Variants in MUC7 observed in about 807,000 individuals in gnomAD.
The protein encoded by MUC7 is mucin-7.
In MUC7, 2 loss-of-function variants were observed where a neutral mutation model predicts 2.5. That is an observed-to-expected ratio of 0.81 (90% confidence interval 0.33 to 2.55). The LOEUF (loss-of-function observed/expected upper bound fraction) is 2.55, where lower values mean the gene tolerates loss of function less well. Among genes scored for constraint, MUC7 ranks in the 30% most tolerant of loss-of-function variants. The pLI, the probability that MUC7 is intolerant of heterozygous loss-of-function variation, is 0.11. For missense variants in MUC7, 408 were observed against 455.6 expected (o/e 0.90, Z 0.95); for synonymous variants, 133 against 173.4 (o/e 0.77, Z 1.83).
intron 2 of MUC7, among the ~76,000 whole-genome samples, chr4:70,480,309 G>C (rs1735127901): frequency 6.6e-6 from 1 of 152,180 alleles, no homozygotes; most frequent in African/African-American, 2.4e-5. Flanking sequence ...GGGATATTTT[G>C]TTTGTTGGGG....
chr4:70,461,807 C>CAA (rs58140033), intron 1 of MUC7, among the ~76,000 whole-genome samples: 11,806 of 135,352 alleles, frequency 0.087, 547 homozygotes, highest in South Asian at 0.17. Context: ...ATCTTAAAAT[C>CAA]AAAAAAAAAA....
At chr4:70,436,307 T>C (rs114106991) in intron 1 of MUC7, among the ~76,000 whole-genome samples, 10,795 of 152,236 alleles carry the variant, frequency 0.071, 590 homozygotes, top group East Asian at 0.21. Flanking sequence ...TCTAATTTGG[T>C]TCCATTCTCA....
chr4:70,462,969 AAATGAATG>A lies in MUC7; in HGVS notation c.-92-9222_-92-9215del, dbSNP rs145384221. Reference sequence around the variant, plus strand: ...CAACAGAGCAACACTTTGTCTCTAAAAATGAATGAATGAATGAATGAATGAATGAATAA... The same window carrying A: ...CAACAGAGCAACACTTTGTCTCTAAAAATGAATGAATGAATGAATGAATAA... On this transcript the variant is annotated intron_variant, in intron 1 of 3. Coordinates refer to the MUC7 transcript ENST00000413702. 1.4e-3 allele frequency among the ~76,000 whole-genome samples: 213 copies of A among 151,816 alleles called. 2 individuals are homozygous for A. In the East Asian group the frequency reaches 0.02, roughly 15 times the overall value.
At chr4:70,480,043 T>C (rs1735120587) in intron 2 of MUC7, among the ~76,000 whole-genome samples, 1 of 152,204 alleles carries the variant, frequency 6.6e-6, no homozygotes, top group African/African-American at 2.4e-5. Context: ...AGATGTACAG[T>C]TGGACTGGAT....
intron 1 of MUC7, among the ~76,000 whole-genome samples, chr4:70,433,978 A>G (rs1733752171): frequency 6.6e-6 from 1 of 152,178 alleles, no homozygotes; most frequent in South Asian, 2.1e-4. Context: ...ATCTATTGAG[A>G]TAATCATGTG....
intron 1 of MUC7, among the ~76,000 whole-genome samples, chr4:70,451,115 A>C (rs1734269358): frequency 6.6e-6 from 1 of 152,172 alleles, no homozygotes; most frequent in Non-Finnish European, 1.5e-5. Flanking sequence ...GTAGGAACTC[A>C]AGTTCAGACC....
At chr4:70,464,565 G>A (rs535976309) in intron 1 of MUC7, among the ~76,000 whole-genome samples, 2 of 152,278 alleles carry the variant, frequency 1.3e-5, no homozygotes, top group Admixed American at 1.3e-4. Context: ...GGTCGGGGGA[G>A]GGGAATCTGC....
intron 1 of MUC7, among the ~76,000 whole-genome samples, chr4:70,434,859 C>T (rs1733784724): frequency 6.6e-6 from 1 of 152,034 alleles, no homozygotes; most frequent in Non-Finnish European, 1.5e-5. Flanking sequence ...TATAAATTTC[C>T]CTCTACACAC....
chr4:70,451,195 A>C lies in MUC7; in HGVS notation c.-93+20508A>C, dbSNP rs1734271320. Among the ~76,000 whole-genome samples, 3 of 152,072 alleles carry C rather than the reference A, an allele frequency of 2.0e-5. No individual in the cohort carries two copies. The South Asian group carries it at 6.2e-4, about 32-fold the overall frequency. ...TCCCTTCATGGGTAAGCATCAACTG[A>C]GTTTGGCCTAGTTTTTCTTTCTGCT... On this transcript the variant is annotated intron_variant, in intron 1 of 3. Coordinates refer to the MUC7 transcript ENST00000413702.
At chr4:70,455,464 T>C (rs1008897396) in intron 1 of MUC7, among the ~76,000 whole-genome samples, 5 of 152,238 alleles carry the variant, frequency 3.3e-5, no homozygotes, top group African/African-American at 1.2e-4. Context: ...TCCTAATCAC[T>C]CTATCCTTTA....
chr4:70,458,032 G>GA (rs562089781), intron 1 of MUC7, among the ~76,000 whole-genome samples: 17 of 151,280 alleles, frequency 1.1e-4, no homozygotes, highest in Non-Finnish European at 1.5e-4. Flanking sequence ...TAGCATGAGG[G>GA]AAAAAAAAGT....
At chr4:70,440,888 T>C (rs1213824181) in intron 1 of MUC7, among the ~76,000 whole-genome samples, 1 of 152,094 alleles carries the variant, frequency 6.6e-6, no homozygotes, top group African/African-American at 2.4e-5. Flanking sequence ...AAAATACATT[T>C]TGAGAAACAT....
chr4:70,434,734 C>A (rs1458832930), intron 1 of MUC7, among the ~76,000 whole-genome samples: 2 of 152,104 alleles, frequency 1.3e-5, no homozygotes, highest in Non-Finnish European at 2.9e-5. Flanking sequence ...TTAATAATTT[C>A]TTGCCTTCTG....
intron 1 of MUC7, among the ~76,000 whole-genome samples, chr4:70,443,516 T>C (rs962922): frequency 0.67 from 101,601 of 151,924 alleles, 34,258 homozygotes; most frequent in Admixed American, 0.77. Flanking sequence ...ACAAAACCCA[T>C]ATCAACCTAA....
At position 70,481,764 on chromosome 4, in the gene MUC7, AACT is replaced by A. The variant is rs771429842; in HGVS notation, c.1031_1033del (p.Thr344del). The A allele has an allele frequency of 2.5e-6, 4 of 1,614,176 alleles. No individual in the cohort carries two copies. Among genetic ancestry groups the A allele is most frequent in the African/African-American group, 1.3e-5 (1 of 75,054 alleles). ...AGACTACTACTTCGGTCACTACTCA[AACT>A]ACTACTACTAAACAACCAACTTCAG... is the stretch of plus-strand genomic sequence containing the variant. On this transcript the variant is annotated inframe_deletion, in exon 3 of 3. Transcript: ENST00000304887.
At chr4:70,436,414 T>C (rs1312850393) in intron 1 of MUC7, among the ~76,000 whole-genome samples, 2 of 152,180 alleles carry the variant, frequency 1.3e-5, no homozygotes, top group Non-Finnish European at 2.9e-5. Context: ...CACTTTTTTT[T>C]CTCTAGTCTT....
chr4:70,463,575 C>T (rs1734609412), intron 1 of MUC7, among the ~76,000 whole-genome samples: 1 of 152,168 alleles, frequency 6.6e-6, no homozygotes, highest in Non-Finnish European at 1.5e-5. Context: ...TGACAGTACA[C>T]TATGAGTTTA....
rs781715844 is a variant in MUC7, at chr4:70,481,292, C to T, written c.548C>T (p.Ser183Leu). Residue 183 changes from serine to leucine, a missense_variant, in exon 3 of 3, where the codon TCA becomes TTA. Coordinates refer to ENST00000304887, the MANE Select transcript of MUC7 (RefSeq NM_152291.3). Reference sequence around the variant, plus strand: ...ACTACACCAGCTCCACCATCTTCCTCAGCTCCACCAGAGACCACAGCTGCC... The same window carrying T: ...ACTACACCAGCTCCACCATCTTCCTTAGCTCCACCAGAGACCACAGCTGCC... ...SATTPAPPSS[S>L]APPETTAAPP... is the part of the protein sequence containing the mutation. 1.1e-5 allele frequency: 17 copies of T among 1,613,768 alleles called. No individual in the cohort carries two copies. In the South Asian group the frequency reaches 1.6e-4, roughly 16 times the overall value.
intron 1 of MUC7, among the ~76,000 whole-genome samples, chr4:70,439,534 G>T (rs1250914632): frequency 1.3e-5 from 2 of 152,116 alleles, no homozygotes; most frequent in Admixed American, 1.3e-4. Flanking sequence ...ATCATACCTA[G>T]TAAGACTGAA....
Sources: allele counts gnomAD v4.1 joint callset (sites outside exome capture counted in the v4.1 genomes callset), GRCh38; gene constraint gnomAD v4.1.1; transcripts MANE v1.5; gene names NCBI Gene and HGNC (gene_info 2026-07-23, HGNC 2026-07-21).